SHISA9: variants seen among roughly 807,000 people sequenced by gnomAD.
SHISA9 encodes shisa family member 9.
SHISA9 carries 13 observed loss-of-function variants against 38.0 expected under a neutral mutation model. The ratio of observed to expected loss-of-function variants is 0.34; its 90% CI spans 0.22 to 0.54. The LOEUF is 0.54. SHISA9 is among the 20% of genes least tolerant of loss of function. SHISA9 has a pLI of 0.91. For synonymous variants in SHISA9, 275 were observed against 242.0 expected (o/e 1.14, Z -1.27); for missense variants, 538 against 575.8 (o/e 0.93, Z 0.67).
chr16:13,028,760 C>T (rs568242296), intron 2 of SHISA9, among the ~76,000 whole-genome samples: 1 of 152,256 alleles, frequency 6.6e-6, no homozygotes, highest in South Asian at 2.1e-4. Flanking sequence ...TAAATTATGG[C>T]ATAGAGGGTC....
At chr16:13,179,237 A>G (rs1190940983) in intron 2 of SHISA9, among the ~76,000 whole-genome samples, 3 of 152,162 alleles carry the variant, frequency 2.0e-5, no homozygotes, top group Non-Finnish European at 4.4e-5. Context: ...GAGAACAACC[A>G]GGAGGCGGAG....
the SHISA9 span, among the ~76,000 whole-genome samples, chr16:13,508,327 A>G: frequency 6.6e-6 from 1 of 152,204 alleles, no homozygotes; most frequent in African/African-American, 2.4e-5. Context: ...TTAATGAACC[A>G]TAATTTATTT....
At chr16:13,220,637 T>C (rs2051214416) in intron 4 of SHISA9, among the ~76,000 whole-genome samples, 1 of 152,162 alleles carries the variant, frequency 6.6e-6, no homozygotes, top group Non-Finnish European at 1.5e-5. Context: ...GGAGGATGAT[T>C]GGAAGACAGA....
chr16:13,522,162 G>T, the SHISA9 span, among the ~76,000 whole-genome samples: 1 of 152,200 alleles, frequency 6.6e-6, no homozygotes, highest in East Asian at 1.9e-4. Context: ...TTGTTAGCAA[G>T]AGGGCTGCAT....
intron 2 of SHISA9, among the ~76,000 whole-genome samples, chr16:13,081,838 C>T (rs542015174): frequency 3.7e-4 from 53 of 142,104 alleles, no homozygotes; most frequent in African/African-American, 1.3e-3. Flanking sequence ...GGTGATAGAG[C>T]GAGACTCCAT....
At chr16:13,050,358 G>T (rs1022750443) in intron 2 of SHISA9, among the ~76,000 whole-genome samples, 8 of 151,938 alleles carry the variant, frequency 5.3e-5, no homozygotes. Context: ...AATTAAATGG[G>T]TCTGGCTCCG....
intron 2 of SHISA9, among the ~76,000 whole-genome samples, chr16:13,080,882 G>T (rs2073640797): frequency 6.6e-6 from 1 of 152,190 alleles, no homozygotes; most frequent in African/African-American, 2.4e-5. Context: ...CTGCAGATAT[G>T]GTATCTGGTG....
the SHISA9 span, among the ~76,000 whole-genome samples, chr16:13,261,656 A>G: frequency 6.6e-6 from 1 of 152,208 alleles, no homozygotes; most frequent in African/African-American, 2.4e-5. Context: ...ACTGTTTACA[A>G]AATTTTATAA....
chr16:13,066,170 A>T (rs1304055892), intron 2 of SHISA9, among the ~76,000 whole-genome samples: 1 of 152,182 alleles, frequency 6.6e-6, no homozygotes, highest in Non-Finnish European at 1.5e-5. Flanking sequence ...TGGAAGATGC[A>T]TGGAGATGGC....
the SHISA9 span, among the ~76,000 whole-genome samples, chr16:13,290,425 A>C: frequency 6.6e-6 from 1 of 152,000 alleles, no homozygotes; most frequent in South Asian, 2.1e-4. Flanking sequence ...ATGGCACACC[A>C]TTGTTAAGAC....
At chr16:13,056,569 G>C (rs931553467) in intron 2 of SHISA9, among the ~76,000 whole-genome samples, 5 of 152,176 alleles carry the variant, frequency 3.3e-5, no homozygotes, top group Admixed American at 6.5e-5. Flanking sequence ...AGGATTTATT[G>C]GGTAATAAAT....
chr16:13,114,771 T>G, intron 2 of SHISA9, among the ~76,000 whole-genome samples: 1 of 152,318 alleles, frequency 6.6e-6, no homozygotes, highest in East Asian at 1.9e-4. Context: ...GTGTCCATAA[T>G]CTGTATGTGT....
At chr16:13,045,877 C>G (rs2073182361) in intron 2 of SHISA9, among the ~76,000 whole-genome samples, 1 of 152,176 alleles carries the variant, frequency 6.6e-6, no homozygotes, top group Admixed American at 6.5e-5. Context: ...TGAATTCAAT[C>G]CAAATTTCAA....
chr16:13,434,780 T>A, the SHISA9 span, among the ~76,000 whole-genome samples: 1 of 152,082 alleles, frequency 6.6e-6, no homozygotes, highest in Non-Finnish European at 1.5e-5. Context: ...GAAGAATAAA[T>A]GAACGAATAA....
intron 2 of SHISA9, among the ~76,000 whole-genome samples, chr16:12,923,017 G>A (rs551409334): frequency 3.3e-4 from 50 of 152,146 alleles, no homozygotes; most frequent in African/African-American, 1.2e-3. Context: ...TTGTAGAAAT[G>A]GGTCTCACCA....
chr16:12,987,956 C>T (rs2072334804), intron 2 of SHISA9, among the ~76,000 whole-genome samples: 1 of 151,372 alleles, frequency 6.6e-6, no homozygotes, highest in South Asian at 2.1e-4. Flanking sequence ...CCCCAGGGGG[C>T]TGGTCTCCAG....
At chr16:13,495,473 C>A in the SHISA9 span, among the ~76,000 whole-genome samples, 1 of 151,828 alleles carries the variant, frequency 6.6e-6, no homozygotes, top group Non-Finnish European at 1.5e-5. Context: ...GAAAGAAATC[C>A]AAATTTTGAC....
At chr16:13,015,093 G>A (rs2141856508) in intron 2 of SHISA9, among the ~76,000 whole-genome samples, 1 of 152,300 alleles carries the variant, frequency 6.6e-6, no homozygotes, top group African/African-American at 2.4e-5. Flanking sequence ...GTAGGTATTG[G>A]GCTGTACGCT....
intron 1 of SHISA9, among the ~76,000 whole-genome samples, chr16:12,907,139 T>G: frequency 1.5e-5 from 1 of 64,672 alleles, no homozygotes; most frequent in Non-Finnish European, 2.9e-5. Context: ...TTTTCTTCCT[T>G]TCCCTCCCTC....
Sources: gnomAD v4.1 joint callset for allele counts (sites outside exome capture counted in the v4.1 genomes callset) on GRCh38, gnomAD v4.1.1 for gene constraint, MANE v1.5 for transcripts, NCBI Gene and HGNC (gene_info 2026-07-23, HGNC 2026-07-21) for gene names.